Variants in KCNIP4 observed in about 807,000 individuals in gnomAD.
The protein encoded by KCNIP4 is potassium voltage-gated channel interacting protein 4.
KCNIP4 carries 12 observed loss-of-function variants against 34.0 expected under a neutral mutation model. The ratio of observed to expected loss-of-function variants is 0.35; its 90% confidence interval spans 0.23 to 0.57. The LOEUF (loss-of-function observed/expected upper bound fraction) is 0.57. Among genes scored for constraint, KCNIP4 ranks in the 20% least tolerant of loss-of-function variants. The pLI is 0.83. For missense variants in KCNIP4, 238 were observed against 311.7 expected (o/e 0.76, Z 1.78); for synonymous variants, 124 against 102.2 (o/e 1.21, Z -1.29).
intron 1 of KCNIP4, among the ~76,000 whole-genome samples, chr4:21,175,690 A>G (rs1754354605): frequency 6.6e-6 from 1 of 152,202 alleles, no homozygotes; most frequent in Admixed American, 6.5e-5. Context: ...TGAGAAGACT[A>G]CTAAGTGACA....
chr4:20,877,630 A>G (rs1724206901), intron 2 of KCNIP4, among the ~76,000 whole-genome samples: 1 of 152,166 alleles, frequency 6.6e-6, no homozygotes, highest in African/African-American at 2.4e-5. Context: ...TATGCTGTAA[A>G]TCACTTAAAA....
intron 1 of KCNIP4, among the ~76,000 whole-genome samples, chr4:21,737,037 T>A (rs6810989): frequency 0.12 from 18,164 of 151,958 alleles, 3,708 homozygotes; most frequent in African/African-American, 0.41. Context: ...AAAAAGAAAG[T>A]AAGTTCTAAT....
intron 1 of KCNIP4, among the ~76,000 whole-genome samples, chr4:21,310,793 C>A (rs57124371): frequency 0.052 from 7,948 of 151,882 alleles, 529 homozygotes; most frequent in East Asian, 0.16. Flanking sequence ...ACGACGTCGG[C>A]TAATTTTTTG....
chr4:21,018,430 G>A (rs768166016), intron 1 of KCNIP4, among the ~76,000 whole-genome samples: 1 of 152,128 alleles, frequency 6.6e-6, no homozygotes, highest in Non-Finnish European at 1.5e-5. Flanking sequence ...AATTGAATCT[G>A]GGTCGTGGCT....
intron 1 of KCNIP4, among the ~76,000 whole-genome samples, chr4:21,788,056 C>T (rs1430653202): frequency 1.3e-5 from 2 of 152,038 alleles, no homozygotes. Flanking sequence ...AAACTCAAGT[C>T]CCAGAAGCCA....
chr4:21,588,092 T>A (rs916677294), intron 1 of KCNIP4, among the ~76,000 whole-genome samples: 3 of 152,038 alleles, frequency 2.0e-5, no homozygotes, highest in African/African-American at 7.2e-5. Context: ...AATTATTCCA[T>A]GTGAGAGCCC....
chr4:21,913,716 G>T (rs530748300), intron 1 of KCNIP4, among the ~76,000 whole-genome samples: 10 of 152,238 alleles, frequency 6.6e-5, no homozygotes, highest in African/African-American at 2.4e-4. Context: ...AATCGAATAA[G>T]CATTACATGT....
chr4:21,719,527 A>T (rs1409815880), intron 1 of KCNIP4, among the ~76,000 whole-genome samples: 1 of 152,178 alleles, frequency 6.6e-6, no homozygotes, highest in Non-Finnish European at 1.5e-5. Flanking sequence ...ATAAAAGTTC[A>T]ATGAATATTT....
intron 1 of KCNIP4, among the ~76,000 whole-genome samples, chr4:21,742,225 A>G (rs1187524951): frequency 6.6e-6 from 1 of 152,162 alleles, no homozygotes; most frequent in Non-Finnish European, 1.5e-5. Context: ...TTGTTGTCCA[A>G]CCATGCATTA....
chr4:21,016,761 CT>C (rs1483918896), intron 1 of KCNIP4, among the ~76,000 whole-genome samples: 1 of 152,140 alleles, frequency 6.6e-6, no homozygotes, highest in Non-Finnish European at 1.5e-5. Flanking sequence ...AAGGTGTGAG[CT>C]ACCATACCCG....
intron 1 of KCNIP4, among the ~76,000 whole-genome samples, chr4:21,550,209 A>G (rs918718131): frequency 2.0e-5 from 3 of 152,118 alleles, no homozygotes; most frequent in Admixed American, 6.6e-5. Context: ...CCAATCACAG[A>G]CATGGCTGGA....
At chr4:21,401,693 T>C (rs1304246342) in intron 1 of KCNIP4, among the ~76,000 whole-genome samples, 1 of 152,142 alleles carries the variant, frequency 6.6e-6, no homozygotes, top group Non-Finnish European at 1.5e-5. Context: ...CAGTGTAAAA[T>C]CAGGTTATCA....
At chr4:21,470,894 G>A (rs1356423449) in intron 1 of KCNIP4, among the ~76,000 whole-genome samples, 1 of 152,106 alleles carries the variant, frequency 6.6e-6, no homozygotes, top group Non-Finnish European at 1.5e-5. Context: ...CTCTGCATCA[G>A]CAGTTAGTTT....
intron 1 of KCNIP4, among the ~76,000 whole-genome samples, chr4:21,869,705 C>A (rs894395858): frequency 6.6e-6 from 1 of 151,650 alleles, no homozygotes; most frequent in Non-Finnish European, 1.5e-5. Flanking sequence ...TCTTCCCCCC[C>A]ACCGCCACAT....
At chr4:21,158,433 G>C (rs1753318497) in intron 1 of KCNIP4, among the ~76,000 whole-genome samples, 1 of 152,150 alleles carries the variant, frequency 6.6e-6, no homozygotes, top group Non-Finnish European at 1.5e-5. Flanking sequence ...ATCTAACAGT[G>C]TATAAAATGA....
intron 3 of KCNIP4, among the ~76,000 whole-genome samples, chr4:20,764,709 A>AC (rs1755241525): frequency 1.1e-5 from 1 of 92,530 alleles, no homozygotes; most frequent in African/African-American, 4.9e-5. Flanking sequence ...CACACACACA[A>AC]CCCCATGAAC....
Position 21,510,078 on chromosome 4 carries a change from C to CAA in KCNIP4, c.61+438491_61+438492dup, listed in dbSNP as rs759477091. Among the ~76,000 whole-genome samples the CAA allele has an allele frequency of 4.5e-3, 292 of 65,036 alleles. 6 individuals are homozygous for CAA. Among genetic ancestry groups the CAA allele is most frequent in the African/African-American group, 0.014 (232 of 16,520 alleles). 42.7% of individuals were successfully genotyped at this position (65,036 alleles called of 152,430 possible). A position where few individuals can be genotyped will look rare whatever the true frequency, so the allele number is the denominator to read the frequency against. ...GGGCACAAGAGCAAAACTCCATCTC[C>CAA]AAAAAAAAAAAAAAAAAAAAAAGGC... On this transcript the variant is annotated intron_variant, in intron 1 of 8. Transcript: ENST00000382152.
chr4:21,252,884 A>G (rs899446930), intron 1 of KCNIP4, among the ~76,000 whole-genome samples: 2 of 152,064 alleles, frequency 1.3e-5, no homozygotes, highest in African/African-American at 4.8e-5. Context: ...CTAAAAGATA[A>G]GCACTGAGCA....
chr4:21,310,199 A>C (rs1479694147), intron 1 of KCNIP4, among the ~76,000 whole-genome samples: 1 of 151,664 alleles, frequency 6.6e-6, no homozygotes, highest in East Asian at 2.0e-4. Context: ...CAACCAGCTA[A>C]TTTTTGTATT....
Sources: gnomAD v4.1 joint callset for allele counts (sites outside exome capture counted in the v4.1 genomes callset) on GRCh38, gnomAD v4.1.1 for gene constraint, MANE v1.5 for transcripts, NCBI Gene and HGNC (gene_info 2026-07-23, HGNC 2026-07-21) for gene names.